AGBL4: variants seen among roughly 807,000 people sequenced by gnomAD.
The protein encoded by AGBL4 is AGBL carboxypeptidase 4.
A neutral mutation model predicts 66.4 loss-of-function variants in AGBL4; 58 were observed. The ratio of observed to expected loss-of-function variants is 0.87; its 90% CI spans 0.71 to 1.09. The LOEUF is 1.09. Among genes scored for constraint, AGBL4 ranks in the 50% least tolerant of loss-of-function variants. The pLI, the probability that AGBL4 is intolerant of heterozygous loss-of-function variation, is 0.00. For missense variants in AGBL4, 579 were observed against 631.0 expected, an observed-to-expected ratio of 0.92 and a Z score of 0.88; for synonymous variants, 234 against 222.9, an observed-to-expected ratio of 1.05 and a Z score of -0.44.
At chr1:49,668,019 C>T (rs1235992271) in intron 3 of AGBL4, among the ~76,000 whole-genome samples, 4 of 152,010 alleles carry the variant, frequency 2.6e-5, no homozygotes, top group African/African-American at 7.2e-5. Context: ...TTATAGCAAG[C>T]GTATCGTAGG....
intron 4 of AGBL4, among the ~76,000 whole-genome samples, chr1:49,103,473 C>G (rs1004345783): frequency 2.6e-5 from 4 of 152,180 alleles, no homozygotes; most frequent in Non-Finnish European, 5.9e-5. Flanking sequence ...ACACCTGATA[C>G]AACTGTGCAG....
chr1:48,710,887 A>G (rs994033492), intron 6 of AGBL4, among the ~76,000 whole-genome samples: 2 of 152,140 alleles, frequency 1.3e-5, no homozygotes, highest in Admixed American at 6.5e-5. Flanking sequence ...CCACCCCACC[A>G]GCCTACCTAT....
chr1:48,681,644 C>T (rs1646456556), intron 6 of AGBL4, among the ~76,000 whole-genome samples: 3 of 152,208 alleles, frequency 2.0e-5, no homozygotes, highest in Admixed American at 2.0e-4. Context: ...GATGACTAAT[C>T]TTCTAGGTTT....
At chr1:48,591,950 AAC>A (rs1480158959) in intron 9 of AGBL4, among the ~76,000 whole-genome samples, 1 of 152,242 alleles carries the variant, frequency 6.6e-6, no homozygotes, top group East Asian at 1.9e-4. Flanking sequence ...TGATTGAAGA[AAC>A]AATCCCAGAG....
downstream of AGBL4, among the ~76,000 whole-genome samples, chr1:48,529,234 G>T (rs143648434): frequency 7.6e-4 from 115 of 152,038 alleles, no homozygotes; most frequent in African/African-American, 2.7e-3. Flanking sequence ...TACTCAAGAA[G>T]CATTTGTACT....
At chr1:49,647,015 T>C (rs1454177332) in intron 3 of AGBL4, among the ~76,000 whole-genome samples, 4 of 151,400 alleles carry the variant, frequency 2.6e-5, no homozygotes, top group African/African-American at 7.3e-5. Context: ...ATTGGCATCA[T>C]ATACAAAAGT....
At chr1:48,613,633 G>C (rs1276400417) in intron 9 of AGBL4, among the ~76,000 whole-genome samples, 1 of 152,198 alleles carries the variant, frequency 6.6e-6, no homozygotes, top group East Asian at 1.9e-4. Context: ...AGCTTTAAAT[G>C]AGATTGTGTT....
chr1:49,593,214 G>T (rs1644785840), intron 3 of AGBL4, among the ~76,000 whole-genome samples: 1 of 152,068 alleles, frequency 6.6e-6, no homozygotes, highest in African/African-American at 2.4e-5. Flanking sequence ...GACCATCCTG[G>T]CTAACACGGT....
chr1:49,942,923 T>C (rs1255055958), intron 1 of AGBL4, among the ~76,000 whole-genome samples: 6 of 152,278 alleles, frequency 3.9e-5, no homozygotes, highest in South Asian at 4.1e-4. Flanking sequence ...AAGAGGTTAA[T>C]ATACAAAATA....
chr1:49,388,853 G>T (rs570712489), intron 3 of AGBL4, among the ~76,000 whole-genome samples: 11 of 152,156 alleles, frequency 7.2e-5, no homozygotes, highest in Non-Finnish European at 1.5e-4. Flanking sequence ...AACTGCAGAA[G>T]AAATCATGGA....
At chr1:48,730,358 C>T (rs1453208556) in intron 6 of AGBL4, among the ~76,000 whole-genome samples, 2 of 152,306 alleles carry the variant, frequency 1.3e-5, no homozygotes, top group South Asian at 2.1e-4. Context: ...AGATGCTGTG[C>T]AACCTCTAGG....
chr1:49,656,918 C>G (rs977429118), intron 3 of AGBL4, among the ~76,000 whole-genome samples: 13 of 152,188 alleles, frequency 8.5e-5, no homozygotes, highest in African/African-American at 3.1e-4. Context: ...TGGGCAAAAA[C>G]TGGAAGCATT....
chr1:49,073,473 C>T (rs1337678989), intron 4 of AGBL4, among the ~76,000 whole-genome samples: 8 of 152,062 alleles, frequency 5.3e-5, no homozygotes, highest in African/African-American at 1.9e-4. Context: ...CTATTCCTTC[C>T]TCTTTGTCAG....
intron 6 of AGBL4, among the ~76,000 whole-genome samples, chr1:48,833,165 C>G (rs1347498651): frequency 6.6e-6 from 1 of 152,122 alleles, no homozygotes; most frequent in African/African-American, 2.4e-5. Context: ...CATAGCATGG[C>G]TTTGGAACTG....
intron 1 of AGBL4, among the ~76,000 whole-genome samples, chr1:49,923,542 GA>G (rs1184567923): frequency 6.6e-6 from 1 of 152,016 alleles, no homozygotes; most frequent in Non-Finnish European, 1.5e-5. Flanking sequence ...CAGAATGGGA[GA>G]AAAATTTTGC....
rs1572077676 is a variant in AGBL4, at chr1:50,023,937, G to C, written c.-141C>G. The C allele has an allele frequency of 1.1e-6, 1 of 922,910 alleles. No homozygotes were observed. The highest frequency in any genetic ancestry group is 1.5e-6 in the Non-Finnish European group (1 of 652,656). The allele number at this position is 922,910 out of a possible 1,614,324, so 57.2% of individuals were successfully genotyped here. ...CTGGGCAACGGGCGGCAGGCGCGCG[G>C]GTGGCCGGCGCGCGGCTGAGGGCGG... On this transcript the variant is annotated 5_prime_UTR_variant, in exon 1 of 14. Coordinates refer to ENST00000371839, the MANE Select transcript of AGBL4 (RefSeq NM_032785.4).
rs151253534 is a variant in AGBL4 at position 49,540,083 on chromosome 1, A to G, written c.282+157230T>C. Among the ~76,000 whole-genome samples, 188 of 152,340 alleles carry G rather than the reference A, an allele frequency of 1.2e-3. 1 individual carries two copies. Among genetic ancestry groups the G allele is most frequent in the African/African-American group, 4.0e-3 (167 of 41,588 alleles). ...ATAGAAAGTAAAAGCAAACCACATTATAAGAAAAATTAGACTAAATATTAC... is the reference window on the plus strand; with the variant it reads ...ATAGAAAGTAAAAGCAAACCACATTGTAAGAAAAATTAGACTAAATATTAC... On this transcript the variant is annotated intron_variant, in intron 3 of 13. Coordinates refer to ENST00000371839, the MANE Select transcript of AGBL4 (RefSeq NM_032785.4).
chr1:49,622,501 C>T (rs1172822027), intron 3 of AGBL4, among the ~76,000 whole-genome samples: 1 of 148,972 alleles, frequency 6.7e-6, no homozygotes, highest in African/African-American at 2.5e-5. Context: ...TAGTGGCGGG[C>T]GCCTGTAGTC....
At chr1:49,962,168 T>TC (rs912567844) in intron 1 of AGBL4, among the ~76,000 whole-genome samples, 4 of 152,152 alleles carry the variant, frequency 2.6e-5, no homozygotes, top group Non-Finnish European at 4.4e-5. Context: ...ACTAGACCTG[T>TC]CCCCATGGAG....
Sources: gnomAD v4.1 joint callset for allele counts (sites outside exome capture counted in the v4.1 genomes callset) on GRCh38, gnomAD v4.1.1 for gene constraint, MANE v1.5 for transcripts, NCBI Gene and HGNC (gene_info 2026-07-23, HGNC 2026-07-21) for gene names.